Variants in GRID1 observed in about 807,000 individuals in gnomAD.
The protein encoded by GRID1 is glutamate receptor ionotropic, delta-1.
A neutral mutation model predicts 98.0 loss-of-function variants in GRID1; 28 were observed. The observed-to-expected ratio is 0.29, with a 90% CI of 0.21 to 0.39. The LOEUF is 0.39. Ranked by LOEUF, GRID1 falls within the 10% of genes least tolerant of loss-of-function variation. GRID1 has a pLI of 1.00. For synonymous variants in GRID1, 553 were observed against 538.5 expected (o/e 1.03, Z -0.37); for missense variants, 1,111 against 1,340.5 (o/e 0.83, Z 2.67).
chr10:85,979,730 G>T (rs1387770959), intron 4 of GRID1, among the ~76,000 whole-genome samples: 1 of 152,224 alleles, frequency 6.6e-6, no homozygotes, highest in Non-Finnish European at 1.5e-5. Context: ...TTTTTGGGAT[G>T]GGACATAACT....
intron 8 of GRID1, among the ~76,000 whole-genome samples, chr10:85,730,381 C>G (rs1319730648): frequency 1.3e-5 from 2 of 152,144 alleles, no homozygotes; most frequent in African/African-American, 4.8e-5. Flanking sequence ...AACGACAAAA[C>G]TTTTGTCTGG....
chr10:85,746,822 T>C (rs973074185), intron 8 of GRID1, among the ~76,000 whole-genome samples: 1 of 152,074 alleles, frequency 6.6e-6, no homozygotes, highest in Non-Finnish European at 1.5e-5. Context: ...ATGAATATTA[T>C]ATAAAATAAT....
chr10:85,721,495 T>C (rs1420463628), intron 12 of GRID1, among the ~76,000 whole-genome samples: 2 of 152,222 alleles, frequency 1.3e-5, no homozygotes, highest in African/African-American at 4.8e-5. Flanking sequence ...TATGTGATAT[T>C]ACTCATATGT....
intron 8 of GRID1, among the ~76,000 whole-genome samples, chr10:85,780,266 G>C (rs1182503460): frequency 6.6e-6 from 1 of 152,170 alleles, no homozygotes; most frequent in Non-Finnish European, 1.5e-5. Flanking sequence ...AGTCCAGATA[G>C]ACCAGAACCA....
chr10:85,893,411 A>C (rs1841234089), intron 5 of GRID1, among the ~76,000 whole-genome samples: 1 of 152,166 alleles, frequency 6.6e-6, no homozygotes, highest in African/African-American at 2.4e-5. Context: ...TAAGTGAGAG[A>C]GATCCAGATT....
intron 4 of GRID1, among the ~76,000 whole-genome samples, chr10:86,079,973 C>T (rs1843941585): frequency 6.6e-6 from 1 of 152,072 alleles, no homozygotes; most frequent in Non-Finnish European, 1.5e-5. Flanking sequence ...AGGAGGAAAC[C>T]CAAAAGGGAA....
chr10:85,653,300 T>C (rs979751634), intron 12 of GRID1, among the ~76,000 whole-genome samples: 60 of 152,320 alleles, frequency 3.9e-4, no homozygotes, highest in African/African-American at 1.3e-3. Context: ...GATGGAGGCA[T>C]TGATTACATA....
chr10:86,194,574 T>C (rs1482507131), intron 3 of GRID1, among the ~76,000 whole-genome samples: 1 of 152,104 alleles, frequency 6.6e-6, no homozygotes, highest in African/African-American at 2.4e-5. Flanking sequence ...TTGCTTTGTG[T>C]TTTAAATGTG....
intron 3 of GRID1, among the ~76,000 whole-genome samples, chr10:86,174,991 A>G (rs532476932): frequency 6.6e-6 from 1 of 152,260 alleles, no homozygotes; most frequent in African/African-American, 2.4e-5. Context: ...GTCAGGAAAC[A>G]ACAGGTGCTG....
chr10:85,634,291 T>TCTCTCTCTCTCTCTCTCTCTCTCTCTCA (rs1162030685), intron 13 of GRID1, among the ~76,000 whole-genome samples: 23 of 102,970 alleles, frequency 2.2e-4, no homozygotes, highest in African/African-American at 4.1e-4. Flanking sequence ...TCTCTCTCTC[T>TCTCTCTCTCTCTCTCTCTCTCTCTCTCA]CACACACACA....
At chr10:86,220,163 A>G (rs1846232442) in intron 2 of GRID1, among the ~76,000 whole-genome samples, 2 of 152,142 alleles carry the variant, frequency 1.3e-5, no homozygotes, top group Non-Finnish European at 2.9e-5. Context: ...TCATTCATTC[A>G]TTTACCAATC....
intron 8 of GRID1, among the ~76,000 whole-genome samples, chr10:85,776,479 G>A (rs1174523764): frequency 6.6e-6 from 1 of 152,164 alleles, no homozygotes; most frequent in Non-Finnish European, 1.5e-5. Flanking sequence ...CAGTGCCAGG[G>A]TCCTGGCTGG....
At chr10:85,990,486 G>A (rs769228744) in intron 4 of GRID1, among the ~76,000 whole-genome samples, 5 of 152,188 alleles carry the variant, frequency 3.3e-5, no homozygotes, top group Non-Finnish European at 4.4e-5. Context: ...CGTGATAGGT[G>A]CTAAGACAGA....
At chr10:85,879,527 G>T (rs949351008) in intron 5 of GRID1, among the ~76,000 whole-genome samples, 22 of 152,138 alleles carry the variant, frequency 1.4e-4, no homozygotes, top group Non-Finnish European at 2.6e-4. Flanking sequence ...GACTACTGGG[G>T]ACATAATGAA....
In GRID1 at chr10:85,669,041, T is replaced by G. The variant is rs151220303; in HGVS notation, c.1998-21644A>C. Among the ~76,000 whole-genome samples the G allele has an allele frequency of 4.3e-3, 656 of 152,356 alleles. 5 individuals carry two copies. The highest frequency in any genetic ancestry group is 0.014 in the African/African-American group (579 of 41,596). ...AACATTATCCAAGTTAGAAATCCCC[T>G]TGGTTCCACCAGAGGATGACACATG... is the stretch of plus-strand genomic sequence containing the variant. On this transcript the variant is annotated intron_variant, in intron 12 of 15. Coordinates refer to ENST00000327946, the MANE Select transcript of GRID1 (RefSeq NM_017551.3).
At chr10:86,257,818 T>G (rs1013781603) in intron 2 of GRID1, among the ~76,000 whole-genome samples, 1 of 152,132 alleles carries the variant, frequency 6.6e-6, no homozygotes, top group African/African-American at 2.4e-5. Flanking sequence ...GAGCGCCAAC[T>G]CCAGACACCT....
At chr10:85,862,218 GAAGGAACATTTATGA>G (rs1241022922) in intron 6 of GRID1, among the ~76,000 whole-genome samples, 11 of 152,208 alleles carry the variant, frequency 7.2e-5, no homozygotes, top group Non-Finnish European at 1.2e-4. Flanking sequence ...TAAGAATTAG[GAAGGAACATTTATGA>G]AAGGTCTAAC....
intron 4 of GRID1, among the ~76,000 whole-genome samples, chr10:86,059,214 C>T (rs1471005734): frequency 6.6e-6 from 1 of 152,112 alleles, no homozygotes; most frequent in Non-Finnish European, 1.5e-5. Flanking sequence ...TTCTGAGTCT[C>T]GCTGTGTGAG....
intron 12 of GRID1, among the ~76,000 whole-genome samples, chr10:85,680,725 C>G (rs563841705): frequency 6.6e-6 from 1 of 152,274 alleles, no homozygotes; most frequent in Admixed American, 6.5e-5. Flanking sequence ...CGGAACCAAT[C>G]TAAATGCCCA....
Sources: allele counts gnomAD v4.1 joint callset (sites outside exome capture counted in the v4.1 genomes callset), GRCh38; gene constraint gnomAD v4.1.1; transcripts MANE v1.5; gene names NCBI Gene and HGNC (gene_info 2026-07-23, HGNC 2026-07-21).